The following FOCAD variants were observed in gnomAD, a reference collection of about 807,000 sequenced individuals.
FOCAD encodes KIAA1797.
In FOCAD, 198 loss-of-function variants were observed where a neutral mutation model predicts 225.6. The observed-to-expected ratio is 0.88, with a 90% confidence interval of 0.78 to 0.99. The LOEUF is 0.99. Among genes scored for constraint, FOCAD ranks in the 50% least tolerant of loss-of-function variants. The pLI, the probability that FOCAD is intolerant of heterozygous loss-of-function variation, is 0.00. For synonymous variants in FOCAD, 897 were observed against 755.0 expected, an observed-to-expected ratio of 1.19 and a Z score of -3.08; for missense variants, 2,713 against 2,123.6, an observed-to-expected ratio of 1.28 and a Z score of -5.46.
chr9:20,915,850 G>A (rs1833824117), intron 23 of FOCAD, among the ~76,000 whole-genome samples: 1 of 152,092 alleles, frequency 6.6e-6, no homozygotes, highest in Non-Finnish European at 1.5e-5. Context: ...TTAAATGTAA[G>A]TATACATAGG....
intron 11 of FOCAD, among the ~76,000 whole-genome samples, chr9:20,790,927 A>G (rs1223691128): frequency 6.6e-6 from 1 of 152,166 alleles, no homozygotes; most frequent in Non-Finnish European, 1.5e-5. Flanking sequence ...CTGATTCTGC[A>G]AGTGGATCTG....
intron 24 of FOCAD, among the ~76,000 whole-genome samples, chr9:20,918,951 C>T (rs1305363691): frequency 1.3e-5 from 2 of 152,142 alleles, no homozygotes; most frequent in African/African-American, 4.8e-5. Flanking sequence ...CTTAGCTTCC[C>T]TTTCCTTAGC....
intron 22 of FOCAD, among the ~76,000 whole-genome samples, chr9:20,912,483 C>T (rs1426796481): frequency 6.6e-6 from 1 of 152,020 alleles, no homozygotes; most frequent in African/African-American, 2.4e-5. Flanking sequence ...TATTATAATA[C>T]TGGTGTATGG....
chr9:20,736,469 A>G (rs1168597711), intron 4 of FOCAD, among the ~76,000 whole-genome samples: 1 of 151,702 alleles, frequency 6.6e-6, no homozygotes, highest in Non-Finnish European at 1.5e-5. Flanking sequence ...AGTAGATCTC[A>G]GATCCAGAAT....
chr9:20,797,609 C>G lies in FOCAD; in HGVS notation c.1455+8001C>G, dbSNP rs1478913792. On this transcript the variant is annotated intron_variant, in intron 11 of 43. Coordinates refer to ENST00000338382, the MANE Select transcript of FOCAD (RefSeq NM_001375567.1). ...GAATGGGAATTCACTCATGATTTGG[C>G]TCTCTGTTTGTTATTGATGTATAAG... Among the ~76,000 whole-genome samples, 3 of 152,162 alleles carry G rather than the reference C, an allele frequency of 2.0e-5. No homozygotes were observed. The East Asian group carries it at 5.8e-4, about 29-fold the overall frequency.
chr9:20,795,689 CAGG>C (rs1174227737), intron 11 of FOCAD, among the ~76,000 whole-genome samples: 5 of 141,286 alleles, frequency 3.5e-5, no homozygotes, highest in Non-Finnish European at 7.5e-5. Flanking sequence ...GAGTCTGAGG[CAGG>C]AGAATGGCGT....
intron 5 of FOCAD, among the ~76,000 whole-genome samples, chr9:20,755,439 T>C (rs1828961567): frequency 6.6e-6 from 1 of 152,220 alleles, no homozygotes; most frequent in Non-Finnish European, 1.5e-5. Context: ...TACATCACTT[T>C]TAATCTCATT....
intron 4 of FOCAD, among the ~76,000 whole-genome samples, chr9:20,735,337 T>C (rs1488927389): frequency 6.6e-6 from 1 of 152,024 alleles, no homozygotes; most frequent in South Asian, 2.1e-4. Context: ...ACATTTTTTC[T>C]CCATAAATTC....
intron 4 of FOCAD, among the ~76,000 whole-genome samples, chr9:20,722,777 T>C (rs1319067833): frequency 6.6e-6 from 1 of 152,236 alleles, no homozygotes. Flanking sequence ...TATTGGTTGA[T>C]CTTGTGCAAG....
intron 25 of FOCAD, among the ~76,000 whole-genome samples, chr9:20,924,080 A>G (rs1385613107): frequency 6.6e-6 from 1 of 152,216 alleles, no homozygotes; most frequent in Non-Finnish European, 1.5e-5. Context: ...AAAGTGAACA[A>G]TGCCGTCAAA....
intron 15 of FOCAD, among the ~76,000 whole-genome samples, chr9:20,837,015 C>T (rs1358965653): frequency 6.6e-6 from 1 of 151,926 alleles, no homozygotes; most frequent in East Asian, 1.9e-4. Flanking sequence ...TCCTCCAGTC[C>T]CCTTTTCTCT....
In FOCAD at chr9:20,993,338, C is replaced by T; in HGVS notation, c.5332+10C>T. On this transcript the variant is annotated intron_variant, in intron 43 of 43. Coordinates refer to ENST00000338382, the MANE Select transcript of FOCAD (RefSeq NM_001375567.1). ...AGGGATCTTTTGAAAGGTATTACTT[C>T]CATGTTTTATGCTCAACATAGGGGA... 6.2e-7 allele frequency: 1 copy of T among 1,607,388 alleles called. No individual in the cohort carries two copies. Among genetic ancestry groups the T allele is most frequent in the East Asian group, 2.2e-5 (1 of 44,712 alleles).
chr9:20,839,742 C>G (rs1357647104), intron 15 of FOCAD, among the ~76,000 whole-genome samples: 1 of 151,864 alleles, frequency 6.6e-6, no homozygotes, highest in Non-Finnish European at 1.5e-5. Context: ...GTCTAATAAT[C>G]ACATCAAGGT....
In FOCAD at chr9:20,955,094, G is replaced by A. The variant is rs142911511; in HGVS notation, c.4132+2029G>A. Reference sequence around the variant, plus strand: ...GGTGGGACTGCTGATAGGAAGGATGGCAACTTTAGTGAACTCTTTTGAGGA... The same window carrying A: ...GGTGGGACTGCTGATAGGAAGGATGACAACTTTAGTGAACTCTTTTGAGGA... On this transcript the variant is annotated intron_variant, in intron 35 of 43. Transcript: ENST00000338382. Among the ~76,000 whole-genome samples the A allele has an allele frequency of 3.3e-3, 505 of 152,300 alleles. 2 individuals are homozygous for A. Among genetic ancestry groups the A allele is most frequent in the Non-Finnish European group, 5.2e-3 (351 of 68,020 alleles).
intron 23 of FOCAD, among the ~76,000 whole-genome samples, chr9:20,913,533 C>G (rs1219178303): frequency 6.6e-6 from 1 of 152,112 alleles, no homozygotes; most frequent in African/African-American, 2.4e-5. Flanking sequence ...TTTCACCAGC[C>G]TAAATGTAAG....
chr9:20,741,292 G>T lies in FOCAD; in HGVS notation c.392+952G>T, dbSNP rs560984590. On this transcript the variant is annotated intron_variant, in intron 5 of 43. Coordinates refer to ENST00000338382, the MANE Select transcript of FOCAD (RefSeq NM_001375567.1). ...GAGTCTCTCTTCAAAATACAGAGGGGTGTCTATCACTTACCTGTATTTATA... is the reference window on the plus strand; with the variant it reads ...GAGTCTCTCTTCAAAATACAGAGGGTTGTCTATCACTTACCTGTATTTATA... Among the ~76,000 whole-genome samples, 30 of 152,204 alleles carry T rather than the reference G, an allele frequency of 2.0e-4. No individual in the cohort carries two copies. In the East Asian group the frequency reaches 4.6e-3, roughly 24 times the overall value.
In FOCAD at chr9:20,845,736, C is replaced by T. The variant is rs377489323; in HGVS notation, c.1921-16842C>T. Reference sequence around the variant, plus strand: ...CTGTATTATACGGGAGTGCTGCTTTCTCTATAAGCTTTTCTGCATAGGATA... The same window carrying T: ...CTGTATTATACGGGAGTGCTGCTTTTTCTATAAGCTTTTCTGCATAGGATA... On this transcript the variant is annotated intron_variant, in intron 15 of 43. Transcript: ENST00000338382. Among the ~76,000 whole-genome samples the T allele has an allele frequency of 9.8e-4, 149 of 152,114 alleles. 4 individuals carry two copies. In the South Asian group the frequency reaches 0.03, roughly 30 times the overall value.
chr9:20,898,726 T>C (rs1014791507), intron 21 of FOCAD, among the ~76,000 whole-genome samples: 1 of 152,008 alleles, frequency 6.6e-6, no homozygotes, highest in African/African-American at 2.4e-5. Context: ...TACTTGGTTC[T>C]GATATGTGCT....
chr9:20,798,251 G>A (rs990860547), intron 11 of FOCAD, among the ~76,000 whole-genome samples: 3 of 152,194 alleles, frequency 2.0e-5, no homozygotes, highest in Admixed American at 2.0e-4. Flanking sequence ...TGGTTTGCCA[G>A]TATTTTATTG....
Sources: gnomAD v4.1 joint callset for allele counts (sites outside exome capture counted in the v4.1 genomes callset) on GRCh38, gnomAD v4.1.1 for gene constraint, MANE v1.5 for transcripts, NCBI Gene and HGNC (gene_info 2026-07-23, HGNC 2026-07-21) for gene names.